The following COL23A1 variants were observed in gnomAD, a reference collection of about 807,000 sequenced individuals.
COL23A1 encodes collagen alpha-1(XXIII) chain.
Under a neutral mutation model 99.3 loss-of-function variants are expected in COL23A1, and 97 were observed. That is an observed-to-expected ratio of 0.98 (90% CI 0.83 to 1.16). COL23A1 has a LOEUF of 1.16. Ranked by LOEUF, COL23A1 falls within the 50% of genes most tolerant of loss-of-function variation. COL23A1 has a pLI of 0.00. For missense variants in COL23A1, 762 were observed against 757.4 expected (o/e 1.01, Z -0.07); for synonymous variants, 320 against 308.2 (o/e 1.04, Z -0.40).
At chr5:178,261,105 A>G (rs1399048209) in intron 11 of COL23A1, among the ~76,000 whole-genome samples, 1 of 152,150 alleles carries the variant, frequency 6.6e-6, no homozygotes. Flanking sequence ...TGAAACAAAA[A>G]CTGTTCTAAA....
chr5:178,498,207 T>A (rs1250376599), intron 2 of COL23A1, among the ~76,000 whole-genome samples: 2 of 8,000 alleles, frequency 2.5e-4, no homozygotes, highest in Non-Finnish European at 4.1e-4. Flanking sequence ...TTTATTTAAA[T>A]ATATATATAT....
intron 2 of COL23A1, among the ~76,000 whole-genome samples, chr5:178,341,291 G>A (rs751749122): frequency 4.6e-5 from 7 of 152,244 alleles, no homozygotes; most frequent in South Asian, 2.1e-4. Flanking sequence ...TGCCTGACCC[G>A]TCAGGTCTTT....
intron 2 of COL23A1, among the ~76,000 whole-genome samples, chr5:178,398,609 G>A (rs1164325766): frequency 2.6e-5 from 4 of 152,282 alleles, no homozygotes; most frequent in East Asian, 1.9e-4. Context: ...CCTGGGAGAC[G>A]GAATGAGACT....
At chr5:178,328,640 T>C (rs576043667) in intron 2 of COL23A1, among the ~76,000 whole-genome samples, 7 of 152,344 alleles carry the variant, frequency 4.6e-5, no homozygotes, top group African/African-American at 1.7e-4. Flanking sequence ...GGAGTCATTT[T>C]GTGTTCAAGC....
intron 2 of COL23A1, among the ~76,000 whole-genome samples, chr5:178,471,113 C>A (rs957105156): frequency 5.3e-5 from 8 of 152,282 alleles, no homozygotes; most frequent in Admixed American, 1.3e-4. Context: ...CAGAGGGCAC[C>A]CCAATGGCTA....
At chr5:178,472,531 A>T (rs549216095) in intron 2 of COL23A1, among the ~76,000 whole-genome samples, 1 of 152,276 alleles carries the variant, frequency 6.6e-6, no homozygotes, top group East Asian at 1.9e-4. Flanking sequence ...CTTATACATT[A>T]TGAAAGGTAA....
At position 178,468,296 on chromosome 5, in the gene COL23A1, C is replaced by A. The variant is rs1452499024; in HGVS notation, c.361+92386G>T. 6.6e-6 allele frequency among the ~76,000 whole-genome samples: 1 copy of A among 150,868 alleles called. No homozygotes were observed. The highest frequency in any genetic ancestry group is 1.5e-5 in the Non-Finnish European group (1 of 67,794). Reference sequence around the variant, plus strand: ...GCAGGAAGATCGGGAAGGTCTAAATCCAAGCTCATTAATAGGCCAGAGGGT... The same window carrying A: ...GCAGGAAGATCGGGAAGGTCTAAATACAAGCTCATTAATAGGCCAGAGGGT... On this transcript the variant is annotated intron_variant, in intron 2 of 28. Transcript: ENST00000390654. This position sits in a 1 kb window ranked among gnomAD's most constrained non-coding sequence, Gnocchi z 4.2.
At position 178,302,830 on chromosome 5, in the gene COL23A1, T is replaced by C. The variant is rs570456845; in HGVS notation, c.406+4045A>G. 9.8e-4 allele frequency among the ~76,000 whole-genome samples: 150 copies of C among 152,360 alleles called. 1 individual carries two copies. Among genetic ancestry groups the C allele is most frequent in the Middle Eastern group, 6.8e-3 (2 of 294 alleles). ...CTCTTTGTTCTAAGCAAGCTGTGCA[T>C]AGGTCACTTAAAGACAAGCCTTGGG... is the stretch of plus-strand genomic sequence containing the variant. On this transcript the variant is annotated intron_variant, in intron 3 of 28. Transcript: ENST00000390654.
rs72819064 is a variant in COL23A1, at chr5:178,280,959, C to A, written c.441+7365G>T. On this transcript the variant is annotated intron_variant, in intron 5 of 28. Transcript: ENST00000390654. The surrounding 1 kb of genome is among the most constrained non-coding windows in gnomAD (Gnocchi z 4.9). ...TGGGCTGCCCCACATGGGACACTCA[C>A]GGGGACACTGGGGACACAGTGCTGG... 0.027 allele frequency among the ~76,000 whole-genome samples: 4,043 copies of A among 152,282 alleles called. 70 individuals are homozygous for A. Among genetic ancestry groups the A allele is most frequent in the Non-Finnish European group, 0.038 (2,552 of 68,018 alleles).
chr5:178,430,091 C>T (rs535855663), intron 2 of COL23A1, among the ~76,000 whole-genome samples: 21 of 152,286 alleles, frequency 1.4e-4, no homozygotes, highest in African/African-American at 4.1e-4. Context: ...GAAAGACCCA[C>T]GTGCCTCAGC....
At chr5:178,429,789 G>A (rs1045995119) in intron 2 of COL23A1, among the ~76,000 whole-genome samples, 10 of 152,136 alleles carry the variant, frequency 6.6e-5, no homozygotes, top group Admixed American at 5.2e-4. Context: ...ATGGCCTACT[G>A]GCTACCGTCC....
intron 5 of COL23A1, among the ~76,000 whole-genome samples, chr5:178,278,587 G>A (rs562337444): frequency 1.3e-5 from 2 of 152,218 alleles, no homozygotes; most frequent in African/African-American, 4.8e-5. Context: ...GGCTGCAAGC[G>A]TCAGTGAGCC....
At chr5:178,518,587 G>GC (rs1339726844) in intron 2 of COL23A1, among the ~76,000 whole-genome samples, 35 of 146,492 alleles carry the variant, frequency 2.4e-4, no homozygotes, top group African/African-American at 7.0e-4. Flanking sequence ...AGATGGGGCG[G>GC]CGGGGCAGAG....
chr5:178,373,837 G>A (rs898898103), intron 2 of COL23A1, among the ~76,000 whole-genome samples: 7 of 152,338 alleles, frequency 4.6e-5, no homozygotes, highest in Admixed American at 4.6e-4. Flanking sequence ...TCCCTCAGGA[G>A]AGGTGGGTGC....
chr5:178,333,340 C>T (rs1760141968), intron 2 of COL23A1, among the ~76,000 whole-genome samples: 1 of 152,134 alleles, frequency 6.6e-6, no homozygotes, highest in Non-Finnish European at 1.5e-5. Context: ...CCTGTGGCTG[C>T]CTTTGTGGCC....
At chr5:178,385,258 G>T (rs1278665150) in intron 2 of COL23A1, among the ~76,000 whole-genome samples, 1 of 152,122 alleles carries the variant, frequency 6.6e-6, no homozygotes, top group Non-Finnish European at 1.5e-5. Context: ...GGGTTGCGGG[G>T]ACCCCTCTGA....
At chr5:178,584,329 C>T (rs1295237792) in intron 1 of COL23A1, among the ~76,000 whole-genome samples, 1 of 151,062 alleles carries the variant, frequency 6.6e-6, no homozygotes, top group East Asian at 1.9e-4. Flanking sequence ...CACACACACA[C>T]ACACACACAC....
At chr5:178,445,781 A>G (rs1767126068) in intron 2 of COL23A1, among the ~76,000 whole-genome samples, 1 of 152,146 alleles carries the variant, frequency 6.6e-6, no homozygotes, top group South Asian at 2.1e-4. Flanking sequence ...GACACCAAAG[A>G]CAGATGCCAT....
At chr5:178,254,385 A>G (rs1442594612) in intron 16 of COL23A1, among the ~76,000 whole-genome samples, 1 of 152,222 alleles carries the variant, frequency 6.6e-6, no homozygotes, top group Non-Finnish European at 1.5e-5. Flanking sequence ...AATGATGTTC[A>G]GGTGGGGCCA....
Sources: allele counts gnomAD v4.1 joint callset (sites outside exome capture counted in the v4.1 genomes callset), GRCh38; gene constraint gnomAD v4.1.1; non-coding constraint Gnocchi (gnomAD v3.1); transcripts MANE v1.5; gene names NCBI Gene and HGNC (gene_info 2026-07-23, HGNC 2026-07-21).